ZHX3: variants seen among roughly 807,000 people sequenced by gnomAD.
ZHX3 encodes zinc fingers and homeoboxes 3, also known as zinc fingers and homeoboxes protein 3.
Under a neutral mutation model 64.5 loss-of-function variants are expected in ZHX3, and 20 were observed. The observed-to-expected ratio is 0.31, with a 90% CI of 0.22 to 0.45. The LOEUF (loss-of-function observed/expected upper bound fraction) is 0.45. Ranked by LOEUF, ZHX3 falls within the 20% of genes least tolerant of loss-of-function variation. The probability of loss-of-function intolerance (pLI) is 1.00; values close to 1 mark genes in which losing one functional copy is unlikely to be tolerated. For missense variants in ZHX3, 1,041 were observed against 1,195.8 expected (o/e 0.87, Z 1.91); for synonymous variants, 423 against 461.6 (o/e 0.92, Z 1.07).
rs544151823 is a variant in ZHX3 at position 41,212,563 on chromosome 20, C to T, written c.-150-7497G>A. On this transcript the variant is annotated intron_variant, in intron 2 of 3. Coordinates refer to ENST00000683867, the MANE Select transcript of ZHX3 (RefSeq NM_001384317.1). This position sits in a 1 kb window ranked among gnomAD's most constrained non-coding sequence, Gnocchi z 4.3. ...CTGTAATCCTAGCACTTTGGGAGGC[C>T]AAGGCGGGCGGATCACCAGAGGTCA... is the stretch of plus-strand genomic sequence containing the variant. Among the ~76,000 whole-genome samples the T allele has an allele frequency of 6.6e-6, 1 of 152,202 alleles. No homozygotes were observed. The highest frequency in any genetic ancestry group is 1.9e-4 in the East Asian group (1 of 5,178).
chr20:41,295,151 T>C (rs1304138650), intron 1 of ZHX3, among the ~76,000 whole-genome samples: 1 of 152,184 alleles, frequency 6.6e-6, no homozygotes, highest in Non-Finnish European at 1.5e-5. Flanking sequence ...AAAGAAATAA[T>C]TCCATTTCTT....
chr20:41,229,621 C>T (rs1054900118), intron 2 of ZHX3, among the ~76,000 whole-genome samples: 1 of 152,004 alleles, frequency 6.6e-6, no homozygotes, highest in Non-Finnish European at 1.5e-5. Flanking sequence ...GAGGCTGTAT[C>T]TCACTGTGGT....
chr20:41,250,196 G>A (rs533831363), intron 2 of ZHX3, among the ~76,000 whole-genome samples: 18 of 152,268 alleles, frequency 1.2e-4, no homozygotes, highest in African/African-American at 3.9e-4. Context: ...AGTGGGAGCC[G>A]TGGCAGCACC....
intron 1 of ZHX3, among the ~76,000 whole-genome samples, chr20:41,297,417 C>A (rs565046331): frequency 6.6e-5 from 10 of 152,210 alleles, no homozygotes; most frequent in Non-Finnish European, 1.0e-4. Context: ...CAGCCTCAGT[C>A]AGTGAGTCCC....
chr20:41,188,028 A>G (rs1277947493), intron 3 of ZHX3, among the ~76,000 whole-genome samples: 4 of 152,176 alleles, frequency 2.6e-5, no homozygotes, highest in Admixed American at 6.5e-5. Flanking sequence ...TCTATCTACT[A>G]TAAGTCTATA....
In ZHX3 at chr20:41,181,687, G is replaced by T. The variant is rs1174485378; in HGVS notation, c.*3504C>A. The T allele has an allele frequency of 6.6e-6, 1 of 152,256 alleles. No homozygotes were observed. 9.4% of individuals were successfully genotyped at this position (152,256 alleles called of 1,614,324 possible). On this transcript the variant is annotated 3_prime_UTR_variant, in exon 4 of 4. Coordinates refer to ENST00000683867, the MANE Select transcript of ZHX3 (RefSeq NM_001384317.1). The stretch of plus-strand genomic sequence containing the variant: ...GAGAGAACACAGGACCTGCCCCTAG[G>T]CCACTGACTGAGCAGGATAAAACCC...
intron 1 of ZHX3, among the ~76,000 whole-genome samples, chr20:41,291,100 G>A (rs924407773): frequency 1.3e-5 from 2 of 152,116 alleles, no homozygotes; most frequent in African/African-American, 2.4e-5. Context: ...ATTGCCTCAG[G>A]TCATACAGCT....
At chr20:41,188,121 C>A (rs1401250704) in intron 3 of ZHX3, among the ~76,000 whole-genome samples, 2 of 152,182 alleles carry the variant, frequency 1.3e-5, no homozygotes, top group African/African-American at 4.8e-5. Context: ...TATTCTCTAT[C>A]TCCATGAAAT....
chr20:41,239,618 A>C (rs1019854247), intron 2 of ZHX3: 2 of 152,206 alleles, frequency 1.3e-5, no homozygotes, highest in East Asian at 1.9e-4. Context: ...TTAAACAATC[A>C]AGATCCATCC....
intron 1 of ZHX3, among the ~76,000 whole-genome samples, chr20:41,304,386 G>A (rs369177011): frequency 1.3e-5 from 2 of 152,056 alleles, no homozygotes; most frequent in African/African-American, 4.8e-5. Flanking sequence ...CTGGCTACAC[G>A]TGCCTGCCAG....
Position 41,202,520 on chromosome 20 carries a change from G to A in ZHX3, c.2397C>T (p.Ala799=). ...PSNQDYDSIM[A]QTGLPRPEVV... ...CCTCTGGCCGTGGCAGACCCGTCTG[G>A]GCCATGATGGAGTCATAGTCCTGGT... is the stretch of plus-strand genomic sequence containing the variant. The change falls in exon 3 of 4, where the codon GCC becomes GCT. Residue 799 remains alanine, a synonymous_variant. Transcript: ENST00000683867. The surrounding 1 kb of genome is among the most constrained non-coding windows in gnomAD (Gnocchi z 7.0). The A allele has an allele frequency of 6.2e-7, 1 of 1,614,158 alleles. No individual in the cohort carries two copies. Among genetic ancestry groups the A allele is most frequent in the Middle Eastern group, 1.6e-4 (1 of 6,062 alleles).
intron 1 of ZHX3, among the ~76,000 whole-genome samples, chr20:41,283,914 TGAGGA>T: frequency 6.6e-6 from 1 of 152,292 alleles, no homozygotes; most frequent in African/African-American, 2.4e-5. Context: ...GGAGAGAAGA[TGAGGA>T]GAGAAGAGAA....
rs1287651393 is a variant in ZHX3 at position 41,180,445 on chromosome 20, G to A, written c.*4746C>T. 2.0e-5 allele frequency: 3 copies of A among 152,302 alleles called. No individual in the cohort carries two copies. The highest frequency in any genetic ancestry group is 4.4e-5 in the Non-Finnish European group (3 of 68,120). The allele number at this position is 152,302 out of a possible 1,614,324, so 9.4% of individuals were successfully genotyped here. ...TCCCTCCCCTGCTCTAGACTTCAGG[G>A]CAGTTAGAATGGATGACTCTGCTGG... On this transcript the variant is annotated 3_prime_UTR_variant, in exon 4 of 4. Coordinates refer to ENST00000683867, the MANE Select transcript of ZHX3 (RefSeq NM_001384317.1).
chr20:41,250,907 G>A (rs1047281432), intron 2 of ZHX3, among the ~76,000 whole-genome samples: 1 of 152,196 alleles, frequency 6.6e-6, no homozygotes, highest in African/African-American at 2.4e-5. Context: ...ATGACTTTGG[G>A]AGGCCAAGGC....
chr20:41,280,663 C>A (rs1422932536), intron 1 of ZHX3, among the ~76,000 whole-genome samples: 3 of 152,040 alleles, frequency 2.0e-5, no homozygotes, highest in African/African-American at 7.2e-5. Context: ...GTGATCCAAC[C>A]ACCTCGGCCT....
chr20:41,273,072 A>T (rs576024577), intron 1 of ZHX3, among the ~76,000 whole-genome samples: 127 of 152,310 alleles, frequency 8.3e-4, no homozygotes, highest in African/African-American at 3.0e-3. Context: ...AAGTATAGAC[A>T]TCTTAGTAGG....
At chr20:41,277,582 C>T (rs1247747586) in intron 1 of ZHX3, among the ~76,000 whole-genome samples, 1 of 148,292 alleles carries the variant, frequency 6.7e-6, no homozygotes, top group Non-Finnish European at 1.5e-5. Flanking sequence ...CCCTACCCTC[C>T]ATGTTAATTT....
intron 1 of ZHX3, among the ~76,000 whole-genome samples, chr20:41,269,840 C>T (rs1416301322): frequency 6.6e-6 from 1 of 151,380 alleles, no homozygotes; most frequent in African/African-American, 2.4e-5. Flanking sequence ...ACTAGAGCAT[C>T]ATGACTACGA....
rs950861556 is a variant in ZHX3, at chr20:41,228,445, T to C, written c.-150-23379A>G. 3.3e-5 allele frequency among the ~76,000 whole-genome samples: 5 copies of C among 152,204 alleles called. No homozygotes were observed. Among genetic ancestry groups the C allele is most frequent in the Non-Finnish European group, 7.3e-5 (5 of 68,038 alleles). The stretch of plus-strand genomic sequence containing the variant: ...TATAACAAAAACATCATAGACTGGA[T>C]GGCTTATAAACAACAGAAATGTATT... On this transcript the variant is annotated intron_variant, in intron 2 of 3. Coordinates refer to ENST00000683867, the MANE Select transcript of ZHX3 (RefSeq NM_001384317.1). The surrounding 1 kb of genome is among the most constrained non-coding windows in gnomAD (Gnocchi z 4.6).
Sources: allele counts gnomAD v4.1 joint callset (sites outside exome capture counted in the v4.1 genomes callset), GRCh38; gene constraint gnomAD v4.1.1; non-coding constraint Gnocchi (gnomAD v3.1); transcripts MANE v1.5; gene names NCBI Gene and HGNC (gene_info 2026-07-23, HGNC 2026-07-21).